TNFSF4: variants seen among roughly 807,000 people sequenced by gnomAD.
TNFSF4 encodes the protein TNF superfamily member 4.
In TNFSF4, 4 loss-of-function variants were observed where a neutral mutation model predicts 7.3. That is an observed-to-expected ratio of 0.55 (90% CI 0.27 to 1.25). The LOEUF (loss-of-function observed/expected upper bound fraction) is 1.25, where lower values mean the gene tolerates loss of function less well. Ranked by LOEUF, TNFSF4 falls within the 50% of genes most tolerant of loss-of-function variation. The pLI, the probability that TNFSF4 is intolerant of heterozygous loss-of-function variation, is 0.12. For missense variants in TNFSF4, 181 were observed against 208.8 expected (o/e 0.87, Z 0.82); for synonymous variants, 76 against 83.7 (o/e 0.91, Z 0.50).
the TNFSF4 span, among the ~76,000 whole-genome samples, chr1:173,380,830 C>T: frequency 4.6e-5 from 7 of 152,266 alleles, no homozygotes; most frequent in Admixed American, 1.3e-4. Flanking sequence ...AAACAACAAA[C>T]TCACCCACCT....
the TNFSF4 span, among the ~76,000 whole-genome samples, chr1:173,377,171 C>T: frequency 2.0e-5 from 3 of 152,218 alleles, no homozygotes; most frequent in African/African-American, 4.8e-5. Flanking sequence ...ATTCCAGACA[C>T]ATTTTGGCAA....
the TNFSF4 span, among the ~76,000 whole-genome samples, chr1:173,378,822 C>T: frequency 6.6e-6 from 1 of 151,916 alleles, no homozygotes; most frequent in African/African-American, 2.4e-5. Flanking sequence ...CGCTAATCTC[C>T]CCCGCCCATA....
the TNFSF4 span, among the ~76,000 whole-genome samples, chr1:173,267,331 T>C: frequency 6.6e-6 from 1 of 152,162 alleles, no homozygotes; most frequent in South Asian, 2.1e-4. Context: ...TTTTCTCCTA[T>C]AATGTGGGAT....
the TNFSF4 span, among the ~76,000 whole-genome samples, chr1:173,249,185 T>G: frequency 6.6e-6 from 1 of 152,160 alleles, no homozygotes; most frequent in African/African-American, 2.4e-5. Context: ...ACAGGACCAT[T>G]CTTCAAGGTG....
chr1:173,326,079 A>G, the TNFSF4 span, among the ~76,000 whole-genome samples: 1 of 152,194 alleles, frequency 6.6e-6, no homozygotes, highest in Admixed American at 6.5e-5. Flanking sequence ...AGAATTTTAG[A>G]CCAATATCCT....
At chr1:173,199,099 T>C (rs779491719) in intron 1 of TNFSF4, among the ~76,000 whole-genome samples, 1 of 152,210 alleles carries the variant, frequency 6.6e-6, no homozygotes, top group Non-Finnish European at 1.5e-5. Context: ...TCTTTGGTTA[T>C]CCAGTGCTTA....
chr1:173,296,803 G>A, the TNFSF4 span, among the ~76,000 whole-genome samples: 1 of 151,900 alleles, frequency 6.6e-6, no homozygotes, highest in Admixed American at 6.6e-5. Flanking sequence ...AGAAGATTGT[G>A]CCTGACATGT....
intron 1 of TNFSF4, among the ~76,000 whole-genome samples, chr1:173,204,936 C>T (rs10912565): frequency 1.3e-5 from 2 of 151,748 alleles, no homozygotes; most frequent in Non-Finnish European, 1.5e-5. Flanking sequence ...CACACACACA[C>T]ACACACTGCT....
At chr1:173,373,106 T>C in the TNFSF4 span, among the ~76,000 whole-genome samples, 27 of 152,352 alleles carry the variant, frequency 1.8e-4, no homozygotes, top group Middle Eastern at 0.014. Context: ...AGTATGCTTA[T>C]CTAATCCTAC....
At chr1:173,352,544 A>C in the TNFSF4 span, among the ~76,000 whole-genome samples, 1 of 152,166 alleles carries the variant, frequency 6.6e-6, no homozygotes, top group Non-Finnish European at 1.5e-5. Context: ...TGATTTTCAA[A>C]GGGGAGGAAG....
intron 1 of TNFSF4, among the ~76,000 whole-genome samples, chr1:173,204,112 A>C (rs1184761814): frequency 6.6e-6 from 1 of 152,208 alleles, no homozygotes; most frequent in Non-Finnish European, 1.5e-5. Context: ...CATATGTGCA[A>C]ATTTGATTCC....
At chr1:173,352,329 C>T in the TNFSF4 span, among the ~76,000 whole-genome samples, 1 of 152,156 alleles carries the variant, frequency 6.6e-6, no homozygotes, top group African/African-American at 2.4e-5. Flanking sequence ...AGATGGTGCA[C>T]GTGTTTGCAA....
chr1:173,203,092 A>T (rs1001963752), intron 1 of TNFSF4, among the ~76,000 whole-genome samples: 2 of 152,182 alleles, frequency 1.3e-5, no homozygotes, highest in African/African-American at 4.8e-5. Context: ...CAGTGCCTCA[A>T]ATGGTACCTA....
At chr1:173,339,374 C>T in the TNFSF4 span, among the ~76,000 whole-genome samples, 5 of 151,776 alleles carry the variant, frequency 3.3e-5, no homozygotes, top group South Asian at 2.1e-4. Context: ...AGAAGGAGAC[C>T]CTGTCTCAAA....
the TNFSF4 span, among the ~76,000 whole-genome samples, chr1:173,376,913 C>T: frequency 1.3e-5 from 2 of 152,180 alleles, no homozygotes; most frequent in African/African-American, 4.8e-5. Context: ...ACCACAAACC[C>T]AGAGGGAGGA....
At chr1:173,174,187 A>G in the TNFSF4 span, 1 of 152,196 alleles carries the variant, frequency 6.6e-6, no homozygotes, top group Non-Finnish European at 1.5e-5. Flanking sequence ...CCAGGTCCCA[A>G]TGAGTTCCTC....
chr1:173,222,361 T>C, the TNFSF4 span, among the ~76,000 whole-genome samples: 2 of 152,096 alleles, frequency 1.3e-5, no homozygotes, highest in Non-Finnish European at 1.5e-5. Context: ...AGGGAAAAAG[T>C]CCCAACCTTA....
chr1:173,362,623 T>C, the TNFSF4 span: 362,830 of 469,186 alleles, frequency 0.77, 141,317 homozygotes, highest in East Asian at 0.92. Flanking sequence ...TGCATGCTGC[T>C]GGTGATTAAA....
the TNFSF4 span, among the ~76,000 whole-genome samples, chr1:173,306,119 A>G: frequency 6.6e-6 from 1 of 151,656 alleles, no homozygotes; most frequent in South Asian, 2.1e-4. Flanking sequence ...TCTTATAATC[A>G]TAATTGGAAG....
Sources: gnomAD v4.1 joint callset for allele counts (sites outside exome capture counted in the v4.1 genomes callset) on GRCh38, gnomAD v4.1.1 for gene constraint, MANE v1.5 for transcripts, NCBI Gene and HGNC (gene_info 2026-07-23, HGNC 2026-07-21) for gene names.